The following MCF2L variants were observed in gnomAD, a reference collection of about 807,000 sequenced individuals.
The protein encoded by MCF2L is guanine nucleotide exchange factor DBS.
Under a neutral mutation model 153.4 loss-of-function variants are expected in MCF2L, and 97 were observed. That is an observed-to-expected ratio of 0.63 (90% confidence interval 0.54 to 0.75). MCF2L has a LOEUF of 0.75. MCF2L is among the 30% of genes least tolerant of loss of function. The pLI is 0.00. For missense variants in MCF2L, 1,347 were observed against 1,495.2 expected (o/e 0.90, Z 1.64); for synonymous variants, 659 against 632.2 (o/e 1.04, Z -0.64).
rs2032326181 is a variant in MCF2L, at chr13:113,066,144, G to A, written c.855G>A (p.Gln285=). Residue 285 remains glutamine (Q), a synonymous_variant, in exon 8 of 30, where the codon CAG becomes CAA. Coordinates refer to ENST00000535094, the MANE Select transcript of MCF2L (RefSeq NM_001112732.3). The part of the protein sequence containing the change: ...EGSEPSVNQD[Q]LDNQATVQRL... ...CAGAGCCCAGTGTGAACCAGGACCA[G>A]CTTGACAACCAGGCCACCGTGCAGA... 4 of 1,612,622 alleles carry A rather than the reference G, an allele frequency of 2.5e-6. No individual in the cohort carries two copies. The highest frequency in any genetic ancestry group is 1.7e-5 in the Admixed American group (1 of 59,988).
At chr13:113,022,809 C>T (rs926859604) in intron 2 of MCF2L, among the ~76,000 whole-genome samples, 11 of 152,242 alleles carry the variant, frequency 7.2e-5, no homozygotes, top group Non-Finnish European at 1.5e-4. Flanking sequence ...CGTACTCGCA[C>T]AGGAGGACAC....
intron 2 of MCF2L, among the ~76,000 whole-genome samples, chr13:112,962,670 T>C (rs1197982041): frequency 6.6e-6 from 1 of 152,190 alleles, no homozygotes; most frequent in East Asian, 1.9e-4. Flanking sequence ...GCAAAACCCC[T>C]GAAGGCCCCA....
At chr13:112,984,289 G>A (rs912536009) in intron 1 of MCF2L, among the ~76,000 whole-genome samples, 2 of 151,584 alleles carry the variant, frequency 1.3e-5, no homozygotes, top group African/African-American at 4.9e-5. Context: ...AGGCTGGAGT[G>A]CAATGGTGTG....
At chr13:113,030,706 ACTCCTAATGGAG>A in intron 3 of MCF2L, among the ~76,000 whole-genome samples, 1 of 152,076 alleles carries the variant, frequency 6.6e-6, no homozygotes, top group Non-Finnish European at 1.5e-5. Context: ...AGCCCTTCCT[ACTCCTAATGGAG>A]CTCCATTTAA....
chr13:113,026,320 T>C (rs772842092), intron 3 of MCF2L, among the ~76,000 whole-genome samples: 3 of 152,198 alleles, frequency 2.0e-5, no homozygotes, highest in South Asian at 2.1e-4. Context: ...TTAGGGTCTC[T>C]GGGAGCCATC....
At chr13:112,894,550 C>T (rs1220147294) in intron 1 of MCF2L, 1 of 152,076 alleles carries the variant, frequency 6.6e-6, no homozygotes, top group Non-Finnish European at 1.5e-5. Context: ...CCGCGTCCCC[C>T]TTAGCCTGGC....
intron 2 of MCF2L, among the ~76,000 whole-genome samples, chr13:113,022,201 C>A (rs1355174451): frequency 1.3e-5 from 2 of 152,182 alleles, no homozygotes; most frequent in African/African-American, 4.8e-5. Context: ...AGCCACTCTC[C>A]ACCTCTGTGT....
chr13:113,062,677 G>C (rs969343325), intron 5 of MCF2L, among the ~76,000 whole-genome samples: 1 of 152,122 alleles, frequency 6.6e-6, no homozygotes, highest in Non-Finnish European at 1.5e-5. Context: ...TTGTTGACAC[G>C]TGTGTGTCCG....
Position 113,095,846 on chromosome 13 carries a change from C to T in MCF2L, c.3076-525C>T, listed in dbSNP as rs1354883876. ...TGTTCCATGACATCTGTGCAGCATC[C>T]GCTGTGTGCCAGGCACAGTTCTAGG... On this transcript the variant is annotated intron_variant, in intron 27 of 29. Transcript: ENST00000535094. 11 of 982,932 alleles carry T rather than the reference C, an allele frequency of 1.1e-5. No homozygotes were observed. In the South Asian group the frequency reaches 1.2e-4, roughly 11 times the overall value. The allele number at this position is 982,932 out of a possible 1,614,324, so 60.9% of individuals were successfully genotyped here. A position where few individuals can be genotyped will look rare whatever the true frequency, so the allele number is the denominator to read the frequency against.
At chr13:113,013,131 AG>A (rs1415358563) in intron 1 of MCF2L, among the ~76,000 whole-genome samples, 1 of 152,198 alleles carries the variant, frequency 6.6e-6, no homozygotes, top group African/African-American at 2.4e-5. Context: ...CCAACTGCGC[AG>A]TCTAGGCTGC....
rs980409118 is a variant in MCF2L, at chr13:113,074,257, G to T, written c.997-187G>T. On this transcript the variant is annotated intron_variant, in intron 9 of 29. Transcript: ENST00000535094. This position sits in a 1 kb window ranked among gnomAD's most constrained non-coding sequence, Gnocchi z 4.2. ...GGTAGCGTCGACCCAGAGGCCCCAC[G>T]GTCCCCGCTTGATTGGTGACCACTC... is the stretch of plus-strand genomic sequence containing the variant. Among the ~76,000 whole-genome samples the T allele has an allele frequency of 6.6e-6, 1 of 152,086 alleles. No individual in the cohort carries two copies. The highest frequency in any genetic ancestry group is 2.1e-4 in the South Asian group (1 of 4,812).
At chr13:112,929,780 G>A (rs1465332428) in intron 2 of MCF2L, among the ~76,000 whole-genome samples, 2 of 152,224 alleles carry the variant, frequency 1.3e-5, no homozygotes, top group Non-Finnish European at 2.9e-5. Flanking sequence ...GGATGGCGGA[G>A]TGACCACAGG....
In MCF2L at chr13:113,012,163, G is replaced by A. The variant is rs1360274533; in HGVS notation, c.80-2600G>A. On this transcript the variant is annotated intron_variant, in intron 1 of 29. Transcript: ENST00000535094. ...GTGTGGACGGTGGACACTGTGATGC[G>A]GACGGTGGACAGGCAGTGTGGATGG... 1.9e-3 allele frequency among the ~76,000 whole-genome samples: 193 copies of A among 99,662 alleles called. 14 individuals carry two copies. The highest frequency in any genetic ancestry group is 6.4e-3 in the Middle Eastern group (1 of 156). 65.4% of individuals were successfully genotyped at this position (99,662 alleles called of 152,430 possible). A position where few individuals can be genotyped will look rare whatever the true frequency, so the allele number is the denominator to read the frequency against.
intron 1 of MCF2L, among the ~76,000 whole-genome samples, chr13:112,972,470 G>GTGGGTGGA (rs2082074511): frequency 7.0e-6 from 1 of 143,810 alleles, no homozygotes; most frequent in Non-Finnish European, 1.5e-5. Flanking sequence ...GAGTGGGTGT[G>GTGGGTGGA]TGGGTGGATG....
Position 112,993,566 on chromosome 13 carries a change from G to A in MCF2L, c.80-21197G>A, listed in dbSNP as rs924190466. On this transcript the variant is annotated intron_variant, in intron 1 of 29. Coordinates refer to ENST00000535094, the MANE Select transcript of MCF2L (RefSeq NM_001112732.3). The surrounding 1 kb of genome is among the most constrained non-coding windows in gnomAD (Gnocchi z 4.6). ...CACAGAAGTGGCAGTGGGAGGGGAGGGGGAGGGTGCCTGGAGAGAGGTTTC... is the reference window on the plus strand; with the variant it reads ...CACAGAAGTGGCAGTGGGAGGGGAGAGGGAGGGTGCCTGGAGAGAGGTTTC... 3.3e-5 allele frequency among the ~76,000 whole-genome samples: 5 copies of A among 152,088 alleles called. No homozygotes were observed. Among genetic ancestry groups the A allele is most frequent in the African/African-American group, 7.2e-5 (3 of 41,402 alleles).
intron 4 of MCF2L, among the ~76,000 whole-genome samples, chr13:113,059,816 G>A (rs1028671471): frequency 6.6e-6 from 1 of 152,230 alleles, no homozygotes; most frequent in Non-Finnish European, 1.5e-5. Context: ...ATAAATTCAT[G>A]TAACTGTGTC....
chr13:113,047,219 G>A (rs1374255639), intron 4 of MCF2L: 1 of 152,258 alleles, frequency 6.6e-6, no homozygotes, highest in East Asian at 1.9e-4. Flanking sequence ...CCTCCCACCA[G>A]GCCCCACCTC....
rs2086756012 is a variant in MCF2L, at chr13:113,045,491, G to A, written c.369+130G>A. ...GTGGGACAGAGCCCAGTCCCGGCGG[G>A]TGGAGGCCGGCGCCAAGGCCCCCCC... On this transcript the variant is annotated intron_variant, in intron 4 of 29. Coordinates refer to ENST00000535094, the MANE Select transcript of MCF2L (RefSeq NM_001112732.3). The surrounding 1 kb of genome is among the most constrained non-coding windows in gnomAD (Gnocchi z 4.2). 3.7e-6 allele frequency: 3 copies of A among 814,282 alleles called. No individual in the cohort carries two copies. The highest frequency in any genetic ancestry group is 3.4e-4 in the Middle Eastern group (1 of 2,906). 50.4% of individuals were successfully genotyped at this position (814,282 alleles called of 1,614,324 possible). A position where few individuals can be genotyped will look rare whatever the true frequency, so the allele number is the denominator to read the frequency against.
intron 2 of MCF2L, among the ~76,000 whole-genome samples, chr13:112,927,784 G>A (rs1054496760): frequency 3.3e-5 from 5 of 152,142 alleles, no homozygotes; most frequent in African/African-American, 9.7e-5. Context: ...CCAAGGGGGC[G>A]TAATCGACAA....
Sources: allele counts gnomAD v4.1 joint callset (sites outside exome capture counted in the v4.1 genomes callset), GRCh38; gene constraint gnomAD v4.1.1; non-coding constraint Gnocchi (gnomAD v3.1); transcripts MANE v1.5; gene names NCBI Gene and HGNC (gene_info 2026-07-23, HGNC 2026-07-21).